The following RBM19 variants were observed in gnomAD, a reference collection of about 807,000 sequenced individuals.
RBM19 encodes RNA binding motif protein 19.
In RBM19, 94 loss-of-function variants were observed where a neutral mutation model predicts 116.8. The observed-to-expected ratio is 0.80, with a 90% CI of 0.68 to 0.95. The LOEUF (loss-of-function observed/expected upper bound fraction) is 0.95. Ranked by LOEUF, RBM19 falls within the 40% of genes least tolerant of loss-of-function variation. The pLI, the probability that RBM19 is intolerant of heterozygous loss-of-function variation, is 0.00. For synonymous variants in RBM19, 475 were observed against 494.1 expected (o/e 0.96, Z 0.51); for missense variants, 1,161 against 1,220.7 (o/e 0.95, Z 0.73).
At chr12:113,837,947 T>C (rs1876110990) in intron 23 of RBM19, among the ~76,000 whole-genome samples, 1 of 152,208 alleles carries the variant, frequency 6.6e-6, no homozygotes, top group Non-Finnish European at 1.5e-5. Flanking sequence ...CACACTAATG[T>C]ATTTCTAGTA....
At chr12:113,955,505 G>A (rs1351841522) in intron 6 of RBM19, among the ~76,000 whole-genome samples, 1 of 146,452 alleles carries the variant, frequency 6.8e-6, no homozygotes. Flanking sequence ...GAATGTGAAG[G>A]AGCCCTGAAG....
intron 21 of RBM19, among the ~76,000 whole-genome samples, chr12:113,874,639 G>A (rs1165239056): frequency 1.3e-5 from 2 of 152,224 alleles, no homozygotes; most frequent in African/African-American, 2.4e-5. Context: ...GTTCTAGCTG[G>A]AGCCCGCCAG....
chr12:113,936,135 A>G (rs1181519655), intron 16 of RBM19, among the ~76,000 whole-genome samples: 1 of 152,124 alleles, frequency 6.6e-6, no homozygotes, highest in Non-Finnish European at 1.5e-5. Context: ...AAATGAGAAC[A>G]AAGGAGAGAG....
intron 21 of RBM19, among the ~76,000 whole-genome samples, chr12:113,872,053 C>A (rs373527061): frequency 1.4e-5 from 2 of 143,636 alleles, no homozygotes; most frequent in Non-Finnish European, 3.1e-5. Context: ...CGTCTCCGCC[C>A]AGCCGCCATC....
At position 113,858,083 on chromosome 12, in the gene RBM19, GCC is replaced by G. The variant is rs879704966; in HGVS notation, c.2664+706_2664+707del. On this transcript the variant is annotated intron_variant, in intron 22 of 23. Transcript: ENST00000261741. ...TCTGGATTCTGACCTGGAGCTCAAT[GCC>G]ACGAGGGCAGTGGCTTTGGGTACAG... is the stretch of plus-strand genomic sequence containing the variant. Among the ~76,000 whole-genome samples the G allele has an allele frequency of 2.3e-3, 355 of 152,370 alleles. 1 individual carries two copies. Among genetic ancestry groups the G allele is most frequent in the South Asian group, 5.2e-3 (25 of 4,832 alleles).
At chr12:113,818,584 C>A (rs1465086608), downstream of RBM19, among the ~76,000 whole-genome samples, 1 of 152,236 alleles carries the variant, frequency 6.6e-6, no homozygotes, top group Non-Finnish European at 1.5e-5. Context: ...TGGCAACTAC[C>A]ATTACTAAGT....
chr12:113,950,956 C>T (rs1294492693), intron 8 of RBM19, among the ~76,000 whole-genome samples: 2 of 152,102 alleles, frequency 1.3e-5, no homozygotes, highest in African/African-American at 2.4e-5. Context: ...CGATGGCAAA[C>T]GCCTGGCTCC....
rs144031771 is a variant in RBM19 at position 113,946,191 on chromosome 12, G to A, written c.1529+163C>T. Among the ~76,000 whole-genome samples the A allele has an allele frequency of 1.7e-3, 258 of 152,254 alleles. 1 individual carries two copies. Among genetic ancestry groups the A allele is most frequent in the African/African-American group, 5.9e-3 (247 of 41,558 alleles). On this transcript the variant is annotated intron_variant, in intron 12 of 23. Coordinates refer to ENST00000261741, the MANE Select transcript of RBM19 (RefSeq NM_016196.4). ...AACCTTACAGCACCATAAAAGTAAG[G>A]CACTACTATTATTCTCCCATTTTAC...
At chr12:113,939,690 C>T (rs1018998931) in intron 15 of RBM19, among the ~76,000 whole-genome samples, 3 of 151,546 alleles carry the variant, frequency 2.0e-5, no homozygotes, top group African/African-American at 7.3e-5. Flanking sequence ...GCGGAGCTTG[C>T]AGTGAGCAGA....
chr12:113,902,020 A>G (rs1010813976), intron 21 of RBM19, among the ~76,000 whole-genome samples: 4 of 152,224 alleles, frequency 2.6e-5, no homozygotes, highest in Admixed American at 6.5e-5. Flanking sequence ...GAGATCTTAT[A>G]CACCCTTCAC....
Position 113,937,121 on chromosome 12 carries a change from G to A in RBM19, c.1954C>T (p.Leu652Phe). The A allele has an allele frequency of 2.5e-6, 4 of 1,614,140 alleles. No individual in the cohort carries two copies. Among genetic ancestry groups the A allele is most frequent in the Non-Finnish European group, 2.5e-6 (3 of 1,179,998 alleles). Residue 652 changes from leucine to phenylalanine, a missense_variant, in exon 16 of 24, where the codon CTC becomes TTC. By Grantham distance (22) the Leu-to-Phe change is conservative. Coordinates refer to ENST00000261741, the MANE Select transcript of RBM19 (RefSeq NM_016196.4). ...CCAACTGGAGCCCACTCCAGATAGA[G>A]GGGGACATGATGGAACTGCAGAGAC... is the stretch of plus-strand genomic sequence containing the variant. ...LAYSKFHHVP[L>F]YLEWAPVGVF... is the part of the protein sequence containing the mutation.
At chr12:113,922,743 A>G (rs977488596) in intron 18 of RBM19, among the ~76,000 whole-genome samples, 3 of 152,146 alleles carry the variant, frequency 2.0e-5, no homozygotes, top group Non-Finnish European at 4.4e-5. Context: ...TAAGGGGTGA[A>G]CAGTGTCTTC....
intron 23 of RBM19, among the ~76,000 whole-genome samples, chr12:113,843,358 G>A (rs1876667409): frequency 6.6e-6 from 1 of 152,156 alleles, no homozygotes; most frequent in Non-Finnish European, 1.5e-5. Flanking sequence ...GCACAATGGT[G>A]GCTCCATCCA....
intron 7 of RBM19, among the ~76,000 whole-genome samples, 178 bp downstream of exon 7, chr12:113,954,953 T>C (rs1871784969): frequency 6.6e-6 from 1 of 152,206 alleles, no homozygotes; most frequent in Non-Finnish European, 1.5e-5. Flanking sequence ...TAGCCATGCC[T>C]GTTTCCTGAC....
At chr12:113,916,834 G>A (rs778370530) in intron 20 of RBM19, among the ~76,000 whole-genome samples, 25 of 152,240 alleles carry the variant, frequency 1.6e-4, no homozygotes, top group Non-Finnish European at 3.1e-4. Flanking sequence ...GTAACCTCAT[G>A]AGAGACCCTG....
chr12:113,838,120 T>G (rs1413450110), intron 23 of RBM19, among the ~76,000 whole-genome samples: 1 of 152,204 alleles, frequency 6.6e-6, no homozygotes, highest in African/African-American at 2.4e-5. Context: ...GGCCAGAGCC[T>G]CTCCTGGCAG....
chr12:113,893,841 C>CT (rs1244303298), intron 21 of RBM19, among the ~76,000 whole-genome samples: 2 of 152,216 alleles, frequency 1.3e-5, no homozygotes, highest in East Asian at 3.8e-4. Flanking sequence ...GTCACACTTG[C>CT]CAGATTTCAA....
At chr12:113,826,038 C>T (rs1244177297) in intron 23 of RBM19, among the ~76,000 whole-genome samples, 2 of 152,210 alleles carry the variant, frequency 1.3e-5, no homozygotes, top group African/African-American at 4.8e-5. Flanking sequence ...GGGCCCCTTG[C>T]TGGCTCCTGG....
chr12:113,954,669 T>C (rs1484233662), intron 7 of RBM19, among the ~76,000 whole-genome samples: 3 of 152,276 alleles, frequency 2.0e-5, no homozygotes, highest in Non-Finnish European at 2.9e-5. Flanking sequence ...GTTCTTCTGC[T>C]GTTACAGACC....
Sources: allele counts gnomAD v4.1 joint callset (sites outside exome capture counted in the v4.1 genomes callset), GRCh38; gene constraint gnomAD v4.1.1; transcripts MANE v1.5; gene names NCBI Gene and HGNC (gene_info 2026-07-23, HGNC 2026-07-21).